C12orf42: variants seen among roughly 807,000 people sequenced by gnomAD.
C12orf42 encodes the protein chromosome 12 open reading frame 42, also known as uncharacterized protein C12orf42.
In C12orf42, 25 loss-of-function variants were observed where a neutral mutation model predicts 21.6. The ratio of observed to expected loss-of-function variants is 1.16; its 90% CI spans 0.84 to 1.62. The LOEUF is 1.62. C12orf42 is among the 40% of genes most tolerant of loss of function. The pLI is 0.00. For missense variants in C12orf42, 483 were observed against 459.3 expected, an observed-to-expected ratio of 1.05 and a Z score of -0.47; for synonymous variants, 174 against 175.0, an observed-to-expected ratio of 0.99 and a Z score of 0.05.
the C12orf42 span, among the ~76,000 whole-genome samples, chr12:103,117,499 G>T: frequency 6.6e-6 from 1 of 152,116 alleles, no homozygotes; most frequent in Non-Finnish European, 1.5e-5. Context: ...GGATTTAAAC[G>T]ATGGCTGCCA....
At chr12:103,545,343 T>C in the C12orf42 span, among the ~76,000 whole-genome samples, 1 of 152,192 alleles carries the variant, frequency 6.6e-6, no homozygotes, top group Non-Finnish European at 1.5e-5. Flanking sequence ...TGCAAATAAA[T>C]GTATATAATA....
the C12orf42 span, among the ~76,000 whole-genome samples, chr12:103,092,296 A>G: frequency 1.3e-5 from 2 of 152,238 alleles, no homozygotes; most frequent in East Asian, 3.9e-4. Context: ...AGATGCAGGG[A>G]GCTAACAATA....
the C12orf42 span, among the ~76,000 whole-genome samples, chr12:103,535,342 G>T: frequency 1.2e-4 from 18 of 151,826 alleles, no homozygotes; most frequent in African/African-American, 3.9e-4. Flanking sequence ...ACTTATATTA[G>T]ATATAAGTAT....
At chr12:103,496,506 A>G (rs1955551432), upstream of C12orf42, among the ~76,000 whole-genome samples, 1 of 152,192 alleles carries the variant, frequency 6.6e-6, no homozygotes, top group South Asian at 2.1e-4. Context: ...CGACTGGTCA[A>G]GGACATTTAG....
At chr12:103,449,407 G>T (rs923130332) in intron 2 of C12orf42, among the ~76,000 whole-genome samples, 14 of 107,946 alleles carry the variant, frequency 1.3e-4, no homozygotes, top group African/African-American at 3.8e-4. Flanking sequence ...CTTGTGTGAT[G>T]GATGCACCAA....
At chr12:103,378,326 G>A (rs2045883759) in intron 3 of C12orf42, among the ~76,000 whole-genome samples, 1 of 152,078 alleles carries the variant, frequency 6.6e-6, no homozygotes, top group African/African-American at 2.4e-5. Context: ...TTTTTGTCCT[G>A]TGGCTTTCCA....
chr12:103,360,942 C>A (rs1361141319), intron 4 of C12orf42, among the ~76,000 whole-genome samples: 1 of 152,052 alleles, frequency 6.6e-6, no homozygotes, highest in Non-Finnish European at 1.5e-5. Flanking sequence ...GATTCCAGTA[C>A]CAGTTTATAC....
intron 1 of C12orf42, among the ~76,000 whole-genome samples, chr12:103,486,369 G>T (rs1954832289): frequency 6.6e-6 from 1 of 152,108 alleles, no homozygotes; most frequent in South Asian, 2.1e-4. Flanking sequence ...GCTGGATTCG[G>T]TTTGCCAGTA....
chr12:103,417,522 C>T (rs903365620), intron 2 of C12orf42, among the ~76,000 whole-genome samples: 1 of 152,162 alleles, frequency 6.6e-6, no homozygotes, highest in Non-Finnish European at 1.5e-5. Context: ...CTCATTGTTC[C>T]CTTTGCACTT....
chr12:103,240,364 T>C (rs1307252517), intron 10 of C12orf42, among the ~76,000 whole-genome samples: 1 of 152,156 alleles, frequency 6.6e-6, no homozygotes, highest in Non-Finnish European at 1.5e-5. Context: ...ATAGCTTCTA[T>C]TGTCATCACC....
rs1375459818 is a variant in C12orf42, at chr12:103,256,109, TATACACAC to T, written c.*1366+7209_*1366+7216del. On this transcript the variant is annotated intron_variant and NMD_transcript_variant, in intron 10 of 10. Transcript: ENST00000547347. ...AAATATATATATATATATATATATA[TATACACAC>T]ACACACACACACACACACACACACA... 6.7e-3 allele frequency among the ~76,000 whole-genome samples: 293 copies of T among 43,798 alleles called. 1 individual carries two copies. Among genetic ancestry groups the T allele is most frequent in the East Asian group, 0.039 (49 of 1,264 alleles). The allele number at this position is 43,798 out of a possible 152,430, so 28.7% of individuals were successfully genotyped here.
chr12:103,098,850 T>C, the C12orf42 span, among the ~76,000 whole-genome samples: 1 of 152,232 alleles, frequency 6.6e-6, no homozygotes, highest in African/African-American at 2.4e-5. Context: ...CATGCTATCC[T>C]ACATATTCAT....
At chr12:103,146,608 G>GAAAGAAAGAA in the C12orf42 span, among the ~76,000 whole-genome samples, 4 of 147,430 alleles carry the variant, frequency 2.7e-5, no homozygotes, top group African/African-American at 7.6e-5. Context: ...AAGAAAGAAA[G>GAAAGAAAGAA]AAAAAGAAAA....
chr12:103,370,107 T>C (rs773429907), intron 3 of C12orf42, among the ~76,000 whole-genome samples: 2 of 152,064 alleles, frequency 1.3e-5, no homozygotes, highest in Non-Finnish European at 2.9e-5. Context: ...GACATACATG[T>C]GGCCAACAAG....
At chr12:103,285,717 A>C (rs1002730087) in intron 4 of C12orf42, among the ~76,000 whole-genome samples, 1 of 152,236 alleles carries the variant, frequency 6.6e-6, no homozygotes, top group Non-Finnish European at 1.5e-5. Flanking sequence ...AGCAACTCCA[A>C]ATAGCTGAAA....
the C12orf42 span, among the ~76,000 whole-genome samples, chr12:103,124,345 C>G: frequency 7.9e-5 from 12 of 151,744 alleles, no homozygotes; most frequent in African/African-American, 2.9e-4. Flanking sequence ...CAAGGTTCTC[C>G]CTGAAGAAAT....
intron 2 of C12orf42, among the ~76,000 whole-genome samples, chr12:103,463,750 G>T (rs1952901624): frequency 6.6e-6 from 1 of 152,066 alleles, no homozygotes; most frequent in African/African-American, 2.4e-5. Flanking sequence ...CCTGCCCCCA[G>T]CCCCTGACAG....
chr12:103,094,569 T>G, the C12orf42 span, among the ~76,000 whole-genome samples: 1 of 152,196 alleles, frequency 6.6e-6, no homozygotes, highest in African/African-American at 2.4e-5. Flanking sequence ...CCTCTGACTT[T>G]CCACAGCTCT....
the C12orf42 span, chr12:103,164,333 A>G: frequency 2.5e-5 from 11 of 445,686 alleles, no homozygotes; most frequent in African/African-American, 2.2e-4. Context: ...TTGTATACTT[A>G]CAGACTCTCC....
Sources: allele counts gnomAD v4.1 joint callset (sites outside exome capture counted in the v4.1 genomes callset), GRCh38; gene constraint gnomAD v4.1.1; transcripts MANE v1.5; gene names NCBI Gene and HGNC (gene_info 2026-07-23, HGNC 2026-07-21).